The following PCCA variants were observed in gnomAD, a reference collection of about 807,000 sequenced individuals.
PCCA encodes the protein propionyl-CoA carboxylase alpha chain, mitochondrial.
Under a neutral mutation model 101.3 loss-of-function variants are expected in PCCA, and 74 were observed. The ratio of observed to expected loss-of-function variants is 0.73; its 90% confidence interval spans 0.61 to 0.89. The LOEUF is 0.89. Among genes scored for constraint, PCCA ranks in the 40% least tolerant of loss-of-function variants. PCCA has a pLI of 0.00. For synonymous variants in PCCA, 294 were observed against 313.6 expected (o/e 0.94, Z 0.66); for missense variants, 891 against 907.0 (o/e 0.98, Z 0.23).
At chr13:100,412,975 T>G (rs2078144245) in intron 19 of PCCA, among the ~76,000 whole-genome samples, 1 of 152,210 alleles carries the variant, frequency 6.6e-6, no homozygotes, top group Admixed American at 6.5e-5. Context: ...ACATGTTATT[T>G]GTATTATAAT....
chr13:100,225,779 A>G (rs1004092225), intron 7 of PCCA, among the ~76,000 whole-genome samples: 4 of 152,186 alleles, frequency 2.6e-5, no homozygotes, highest in African/African-American at 9.6e-5. Context: ...AAAGTGTACT[A>G]AATTTTAGAA....
chr13:100,324,957 A>G (rs971334729), intron 16 of PCCA, among the ~76,000 whole-genome samples: 2 of 152,216 alleles, frequency 1.3e-5, no homozygotes, highest in African/African-American at 4.8e-5. Context: ...TGCTACTAGT[A>G]ATGCTGGAGG....
At chr13:100,298,672 C>T (rs189572358) in intron 12 of PCCA, among the ~76,000 whole-genome samples, 9 of 3,106 alleles carry the variant, frequency 2.9e-3, no homozygotes, top group African/African-American at 5.9e-3. Context: ...CCCTCCCTCC[C>T]TCCTTCCTTC....
At position 100,273,358 on chromosome 13, in the gene PCCA, T is replaced by A. The variant is rs1013549378; in HGVS notation, c.1065+12T>A. Reference sequence around the variant, plus strand: ...ATACAAGACTCCAGGTAACAACAACTGTTATTTATTCCTCTCCATGCCTCT... The same window carrying A: ...ATACAAGACTCCAGGTAACAACAACAGTTATTTATTCCTCTCCATGCCTCT... On this transcript the variant is annotated intron_variant, in intron 12 of 23. Coordinates refer to ENST00000376285, the MANE Select transcript of PCCA (RefSeq NM_000282.4). The A allele has an allele frequency of 1.6e-5, 26 of 1,603,458 alleles. No homozygotes were observed. Among genetic ancestry groups the A allele is most frequent in the Non-Finnish European group, 2.1e-5 (25 of 1,170,522 alleles).
At chr13:100,467,265 G>T (rs750049187) in intron 21 of PCCA, among the ~76,000 whole-genome samples, 6 of 152,198 alleles carry the variant, frequency 3.9e-5, no homozygotes, top group Non-Finnish European at 7.3e-5. Context: ...GACAAAACCA[G>T]TTCTTCTGTG....
intron 21 of PCCA, among the ~76,000 whole-genome samples, chr13:100,506,195 A>T (rs2086063265): frequency 6.6e-6 from 1 of 151,918 alleles, no homozygotes; most frequent in South Asian, 2.1e-4. Flanking sequence ...GATTTCTCCC[A>T]TGGCTCTCCA....
At chr13:100,401,938 A>C (rs1356718443) in intron 19 of PCCA, among the ~76,000 whole-genome samples, 2 of 152,170 alleles carry the variant, frequency 1.3e-5, no homozygotes, top group Non-Finnish European at 2.9e-5. Flanking sequence ...GTAGCATTTT[A>C]AATTTGTTTC....
rs59718655 is a variant in PCCA at position 100,116,850 on chromosome 13, TTTTTGTTTTG to T, written c.300+4804_300+4813del. Among the ~76,000 whole-genome samples the T allele has an allele frequency of 7.3e-5, 11 of 151,166 alleles. No homozygotes were observed. In the South Asian group the frequency reaches 1.0e-3, roughly 14 times the overall value. On this transcript the variant is annotated intron_variant, in intron 4 of 23. Transcript: ENST00000376285. ...CTGTGGTCGCTGTTACATATGCTTC[TTTTTGTTTTG>T]TTTTGTTTTGTTTTAACAACACTTT... is the stretch of plus-strand genomic sequence containing the variant.
At chr13:100,308,565 A>G (rs571625354) in intron 15 of PCCA, among the ~76,000 whole-genome samples, 3 of 152,156 alleles carry the variant, frequency 2.0e-5, no homozygotes, top group East Asian at 1.9e-4. Context: ...AGCTCAAGCA[A>G]TCCACCCGCC....
chr13:100,462,728 A>T (rs2082254243), intron 21 of PCCA, among the ~76,000 whole-genome samples: 1 of 152,214 alleles, frequency 6.6e-6, no homozygotes, highest in Admixed American at 6.5e-5. Context: ...ATTTAATGGT[A>T]GTCATGAGAG....
chr13:100,483,196 T>C (rs903620039), intron 21 of PCCA, among the ~76,000 whole-genome samples: 1 of 152,052 alleles, frequency 6.6e-6, no homozygotes, highest in Non-Finnish European at 1.5e-5. Context: ...ACTTGCTTTA[T>C]GATCTGAAGA....
intron 6 of PCCA, among the ~76,000 whole-genome samples, chr13:100,194,621 A>G (rs2152454673): frequency 6.6e-6 from 1 of 152,200 alleles, no homozygotes; most frequent in East Asian, 1.9e-4. Flanking sequence ...GGGTTTCACC[A>G]TATTGGCCAG....
intron 21 of PCCA, among the ~76,000 whole-genome samples, chr13:100,502,746 G>A (rs1023601951): frequency 6.6e-6 from 1 of 152,194 alleles, no homozygotes; most frequent in Non-Finnish European, 1.5e-5. Flanking sequence ...CAGACTCTTA[G>A]GAGTAAAGGA....
At chr13:100,485,892 G>A (rs1031566101) in intron 21 of PCCA, among the ~76,000 whole-genome samples, 2 of 152,152 alleles carry the variant, frequency 1.3e-5, no homozygotes, top group Non-Finnish European at 2.9e-5. Flanking sequence ...TTAAAGCAGG[G>A]CTCTCTAAGA....
At chr13:100,380,273 G>A (rs531388752) in intron 19 of PCCA, among the ~76,000 whole-genome samples, 10 of 152,200 alleles carry the variant, frequency 6.6e-5, no homozygotes, top group Non-Finnish European at 1.2e-4. Flanking sequence ...GGGGTTGGAG[G>A]ATAGCTTAAG....
At chr13:100,359,240 C>T (rs2074307158) in intron 18 of PCCA, among the ~76,000 whole-genome samples, 1 of 151,900 alleles carries the variant, frequency 6.6e-6, no homozygotes, top group South Asian at 2.1e-4. Flanking sequence ...GAAGAAACTT[C>T]AGAAAAAATA....
chr13:100,264,125 G>GTA (rs1392617860), intron 10 of PCCA, among the ~76,000 whole-genome samples: 1 of 98,600 alleles, frequency 1.0e-5, no homozygotes, highest in Non-Finnish European at 2.2e-5. Context: ...TCTGTATATC[G>GTA]TATATATATG....
At chr13:100,495,587 A>G (rs2085216291) in intron 21 of PCCA, among the ~76,000 whole-genome samples, 1 of 152,226 alleles carries the variant, frequency 6.6e-6, no homozygotes, top group Admixed American at 6.5e-5. Context: ...ACTACTCAAT[A>G]AAGAAAATAC....
intron 21 of PCCA, among the ~76,000 whole-genome samples, chr13:100,463,720 G>A (rs2082326420): frequency 6.6e-6 from 1 of 152,154 alleles, no homozygotes; most frequent in Non-Finnish European, 1.5e-5. Flanking sequence ...CTGCCAAAGG[G>A]ACAATGGCAA....
Sources: gnomAD v4.1 joint callset for allele counts (sites outside exome capture counted in the v4.1 genomes callset) on GRCh38, gnomAD v4.1.1 for gene constraint, MANE v1.5 for transcripts, NCBI Gene and HGNC (gene_info 2026-07-23, HGNC 2026-07-21) for gene names.